The following SC5D variants were observed in gnomAD, a reference collection of about 807,000 sequenced individuals.
SC5D encodes the protein lathosterol oxidase.
A neutral mutation model predicts 23.9 loss-of-function variants in SC5D; 21 were observed. That is an observed-to-expected ratio of 0.88 (90% CI 0.62 to 1.26). The LOEUF (loss-of-function observed/expected upper bound fraction) is 1.26. SC5D is among the 50% of genes most tolerant of loss of function. The pLI is 0.00. For missense variants in SC5D, 309 were observed against 364.8 expected, an observed-to-expected ratio of 0.85 and a Z score of 1.25; for synonymous variants, 113 against 125.9, an observed-to-expected ratio of 0.90 and a Z score of 0.68.
intron 1 of SC5D, among the ~76,000 whole-genome samples, chr11:121,299,355 G>C (rs1038015078): frequency 6.6e-6 from 1 of 152,046 alleles, no homozygotes; most frequent in African/African-American, 2.4e-5. Context: ...CATTTATTGC[G>C]TGTATGTATA....
chr11:121,297,903 T>C (rs1679152990), intron 1 of SC5D, among the ~76,000 whole-genome samples: 1 of 152,224 alleles, frequency 6.6e-6, no homozygotes, highest in Admixed American at 6.5e-5. Flanking sequence ...TCTAAAAGTA[T>C]GACAAGAGTT....
chr11:121,306,776 C>G lies in SC5D; in HGVS notation c.445-281C>G, dbSNP rs531820103. On this transcript the variant is annotated intron_variant, in intron 4 of 4. Transcript: ENST00000264027. ...GATGGGAGAGGAGTGAGGGATGAGA[C>G]GCTCCCTATTGGGTACAATGTGCAC... 1.3e-4 allele frequency: 79 copies of G among 615,234 alleles called. No individual in the cohort carries two copies. The Admixed American group carries it at 2.1e-3, about 16-fold the overall frequency. 38.1% of individuals were successfully genotyped at this position (615,234 alleles called of 1,614,324 possible). A position where few individuals can be genotyped will look rare whatever the true frequency, so the allele number is the denominator to read the frequency against.
intron 1 of SC5D, among the ~76,000 whole-genome samples, chr11:121,299,457 T>G (rs981921116): frequency 1.3e-5 from 2 of 152,278 alleles, no homozygotes; most frequent in African/African-American, 4.8e-5. Flanking sequence ...TTGTTTATTG[T>G]CTGTACCAGT....
chr11:121,307,168 A>G lies in SC5D; in HGVS notation c.556A>G (p.Ile186Val). The G allele has an allele frequency of 6.2e-7, 1 of 1,614,008 alleles. No individual in the cohort carries two copies. Among genetic ancestry groups the G allele is most frequent in the South Asian group, 1.1e-5 (1 of 91,070 alleles). ...TCTACCTTACCATATATACCCTTTT[A>G]TCTTTCCATTACACAAGGTGGTTTA... Reference protein sequence around the residue: ...QSLPYHIYPFIFPLHKVVYLS... With the variant: ...QSLPYHIYPFVFPLHKVVYLS... Residue 186 changes from isoleucine (I) to valine (V), a missense_variant, in exon 5 of 5, where the codon ATC becomes GTC. Transcript: ENST00000264027.
Position 121,312,218 on chromosome 11 carries a change from A to T in SC5D, c.*4706A>T, listed in dbSNP as rs1475796781. ...GAAGGAAGTGTTTGAACCATGTGTCAACAAGCTTTACTGTCAAAGCAGGCT... is the reference window on the plus strand; with the variant it reads ...GAAGGAAGTGTTTGAACCATGTGTCTACAAGCTTTACTGTCAAAGCAGGCT... On this transcript the variant is annotated 3_prime_UTR_variant, in exon 5 of 5. Coordinates refer to ENST00000264027, the MANE Select transcript of SC5D (RefSeq NM_006918.5). 1.3e-5 allele frequency among the ~76,000 whole-genome samples: 2 copies of T among 152,340 alleles called. No individual in the cohort carries two copies. Among genetic ancestry groups the T allele is most frequent in the East Asian group, 3.9e-4 (2 of 5,190 alleles).
At chr11:121,297,653 T>A (rs1216611285) in intron 1 of SC5D, among the ~76,000 whole-genome samples, 1 of 152,178 alleles carries the variant, frequency 6.6e-6, no homozygotes, top group Non-Finnish European at 1.5e-5. Flanking sequence ...GTGGACGTTT[T>A]ATAGTGGTAG....
rs1484525831 is a variant in SC5D at position 121,303,794 on chromosome 11, A to G, written c.210+209A>G. 7.5e-6 allele frequency: 4 copies of G among 536,688 alleles called. No homozygotes were observed. The African/African-American group carries it at 7.6e-5, about 10-fold the overall frequency. 33.2% of individuals were successfully genotyped at this position (536,688 alleles called of 1,614,324 possible). A position where few individuals can be genotyped will look rare whatever the true frequency, so the allele number is the denominator to read the frequency against. ...AATCTAACTTTTTAATAAAACTATA[A>G]GTCTAGTATCGTATCTTGCTAGATG... is the stretch of plus-strand genomic sequence containing the variant. On this transcript the variant is annotated intron_variant, in intron 2 of 4. Transcript: ENST00000264027.
At chr11:121,298,064 A>G (rs921957671) in intron 1 of SC5D, among the ~76,000 whole-genome samples, 2 of 152,152 alleles carry the variant, frequency 1.3e-5, no homozygotes, top group Non-Finnish European at 2.9e-5. Context: ...GTTCAGTGGC[A>G]CGAATATGGC....
At chr11:121,306,817 T>C (rs762346021) in intron 4 of SC5D, 7 of 628,894 alleles carry the variant, frequency 1.1e-5, no homozygotes, top group Non-Finnish European at 1.7e-5. Flanking sequence ...AGGTGCTAGG[T>C]ACACTAAAAG....
intron 1 of SC5D, 127 bp downstream of exon 1, chr11:121,292,943 G>T (rs1947861744): frequency 6.6e-6 from 1 of 152,596 alleles, no homozygotes; most frequent in Non-Finnish European, 1.5e-5. Flanking sequence ...GGCGGAAGGT[G>T]TCCTCGCAGC....
In SC5D at chr11:121,309,441, C is replaced by T. The variant is rs192178743; in HGVS notation, c.*1929C>T. Among the ~76,000 whole-genome samples the T allele has an allele frequency of 6.6e-6, 1 of 152,262 alleles. No homozygotes were observed. Among genetic ancestry groups the T allele is most frequent in the Admixed American group, 6.5e-5 (1 of 15,300 alleles). ...CCTGGGAGGAAGGGGGCACCATTTT[C>T]TTGAGCAGCTAGACAGTTTGCCGTA... On this transcript the variant is annotated 3_prime_UTR_variant, in exon 5 of 5. Coordinates refer to ENST00000264027, the MANE Select transcript of SC5D (RefSeq NM_006918.5).
intron 1 of SC5D, among the ~76,000 whole-genome samples, chr11:121,296,459 T>G (rs1322367388): frequency 6.6e-6 from 1 of 152,232 alleles, no homozygotes; most frequent in East Asian, 1.9e-4. Context: ...TTGTGACTTC[T>G]CTTTGGAATG....
At position 121,309,483 on chromosome 11, in the gene SC5D, C is replaced by G. The variant is rs1175201726; in HGVS notation, c.*1971C>G. On this transcript the variant is annotated 3_prime_UTR_variant, in exon 5 of 5. Transcript: ENST00000264027. ...TTTGCCGTATTTGTGGTGTTCTCCTCTTGTTGATGTTGAAATGGTGAATGA... is the reference window on the plus strand; with the variant it reads ...TTTGCCGTATTTGTGGTGTTCTCCTGTTGTTGATGTTGAAATGGTGAATGA... 6.6e-6 allele frequency among the ~76,000 whole-genome samples: 1 copy of G among 152,172 alleles called. No individual in the cohort carries two copies. Among genetic ancestry groups the G allele is most frequent in the Non-Finnish European group, 1.5e-5 (1 of 68,036 alleles).
chr11:121,309,999 A>C lies in SC5D; in HGVS notation c.*2487A>C, dbSNP rs1357987303. On this transcript the variant is annotated 3_prime_UTR_variant, in exon 5 of 5. Coordinates refer to ENST00000264027, the MANE Select transcript of SC5D (RefSeq NM_006918.5). ...TCTTTGTCTTCCATGCTGTCTCTGCAGTACTGAGTGAATTTCCTTATACCC... is the reference window on the plus strand; with the variant it reads ...TCTTTGTCTTCCATGCTGTCTCTGCCGTACTGAGTGAATTTCCTTATACCC... Among the ~76,000 whole-genome samples, 1 of 152,230 alleles carries C rather than the reference A, an allele frequency of 6.6e-6. No homozygotes were observed. Among genetic ancestry groups the C allele is most frequent in the Non-Finnish European group, 1.5e-5 (1 of 68,044 alleles).
In SC5D at chr11:121,308,980, C is replaced by G. The variant is rs187197929; in HGVS notation, c.*1468C>G. On this transcript the variant is annotated 3_prime_UTR_variant, in exon 5 of 5. Transcript: ENST00000264027. ...TAGTGCTTTTCACCAATCCCACTCA[C>G]CCCCGGTGCTCCGCCTTGCCTAAGA... 9.8e-4 allele frequency among the ~76,000 whole-genome samples: 149 copies of G among 152,328 alleles called. 1 individual carries two copies. The highest frequency in any genetic ancestry group is 6.8e-3 in the Middle Eastern group (2 of 294).
Position 121,310,841 on chromosome 11 carries a change from C to A in SC5D, c.*3329C>A, listed in dbSNP as rs1462273668. ...AACTGGGGACTCAGCAGACACCAAA[C>A]CAACTGGTGCTTAACCGTGACTTCC... On this transcript the variant is annotated 3_prime_UTR_variant, in exon 5 of 5. Coordinates refer to ENST00000264027, the MANE Select transcript of SC5D (RefSeq NM_006918.5). Among the ~76,000 whole-genome samples the A allele has an allele frequency of 6.6e-6, 1 of 152,162 alleles. No homozygotes were observed. Among genetic ancestry groups the A allele is most frequent in the African/African-American group, 2.4e-5 (1 of 41,428 alleles).
At chr11:121,304,726 A>G (rs1947951561) in intron 3 of SC5D, 2 of 481,940 alleles carry the variant, frequency 4.1e-6, no homozygotes, top group African/African-American at 2.0e-5. Flanking sequence ...GGAAGATTGG[A>G]GTGATCAGAG....
rs908953831 is a variant in SC5D at position 121,311,152 on chromosome 11, A to G, written c.*3640A>G. On this transcript the variant is annotated 3_prime_UTR_variant, in exon 5 of 5. Coordinates refer to ENST00000264027, the MANE Select transcript of SC5D (RefSeq NM_006918.5). ...TTGTATTAAACCACTCATCCTTAACAAATGCCCAAGCCATGGTTAAAGTTC... is the reference window on the plus strand; with the variant it reads ...TTGTATTAAACCACTCATCCTTAACGAATGCCCAAGCCATGGTTAAAGTTC... Among the ~76,000 whole-genome samples the G allele has an allele frequency of 5.9e-5, 9 of 152,236 alleles. No individual in the cohort carries two copies. Among genetic ancestry groups the G allele is most frequent in the African/African-American group, 2.2e-4 (9 of 41,454 alleles).
At position 121,303,537 on chromosome 11, in the gene SC5D, T is replaced by C. The variant is rs756144892; in HGVS notation, c.162T>C (p.Tyr54=). 3 of 1,614,044 alleles carry C rather than the reference T, an allele frequency of 1.9e-6. No homozygotes were observed. The highest frequency in any genetic ancestry group is 2.5e-6 in the Non-Finnish European group (3 of 1,179,918). ...ATTTCTTCTGTGCAACACTGAGCTA[T>C]TATTTTGTCTTCGATCATGCATTAA... ...ILYFFCATLS[Y]YFVFDHALMK... Residue 54 remains tyrosine, a synonymous_variant, in exon 2 of 5, where the codon TAT becomes TAC. Coordinates refer to ENST00000264027, the MANE Select transcript of SC5D (RefSeq NM_006918.5).
Sources: gnomAD v4.1 joint callset for allele counts (sites outside exome capture counted in the v4.1 genomes callset) on GRCh38, gnomAD v4.1.1 for gene constraint, MANE v1.5 for transcripts, NCBI Gene and HGNC (gene_info 2026-07-23, HGNC 2026-07-21) for gene names.